The following MAML2 variants were observed in gnomAD, a reference collection of about 807,000 sequenced individuals.
MAML2 encodes mastermind-like protein 2.
MAML2 carries 22 observed loss-of-function variants against 96.1 expected under a neutral mutation model. That is an observed-to-expected ratio of 0.23 (90% CI 0.16 to 0.33). The LOEUF (loss-of-function observed/expected upper bound fraction) is 0.33, where lower values mean the gene tolerates loss of function less well. Ranked by LOEUF, MAML2 falls within the 10% of genes least tolerant of loss-of-function variation. The pLI, the probability that MAML2 is intolerant of heterozygous loss-of-function variation, is 1.00. For synonymous variants in MAML2, 561 were observed against 521.3 expected, an observed-to-expected ratio of 1.08 and a Z score of -1.04; for missense variants, 1,367 against 1,392.4, an observed-to-expected ratio of 0.98 and a Z score of 0.29.
intron 2 of MAML2, among the ~76,000 whole-genome samples, chr11:96,061,552 TG>T (rs1189938016): frequency 3.9e-5 from 6 of 152,192 alleles, no homozygotes; most frequent in Admixed American, 1.3e-4. Flanking sequence ...AAATCAGAAT[TG>T]CTTCCTTGGA....
chr11:96,092,078 C>CTGCTGCTGCTGCTGTTGT lies in MAML2; in HGVS notation c.1935_1952dup (p.Gln660_Gln665dup). ...GCTGCTGTTGTTGCTGTTGTTGTTG[C>CTGCTGCTGCTGCTGTTGT]TGCTGCTGCTGCTGTTGTTGCTGCT... is the stretch of plus-strand genomic sequence containing the variant. On this transcript the variant is annotated inframe_insertion, in exon 2 of 5. Coordinates refer to ENST00000524717, the MANE Select transcript of MAML2 (RefSeq NM_032427.4). The surrounding 1 kb of genome is among the most constrained non-coding windows in gnomAD (Gnocchi z 4.1). 2 of 1,546,360 alleles carry CTGCTGCTGCTGCTGTTGT rather than the reference C, an allele frequency of 1.3e-6. No homozygotes were observed. The highest frequency in any genetic ancestry group is 2.4e-5 in the South Asian group (2 of 83,962).
intron 1 of MAML2, among the ~76,000 whole-genome samples, chr11:96,329,648 G>T (rs1446796026): frequency 6.6e-6 from 1 of 152,144 alleles, no homozygotes; most frequent in Non-Finnish European, 1.5e-5. Context: ...GCCCTACTAG[G>T]TAGTATCAGA....
chr11:96,068,348 T>C lies in MAML2; in HGVS notation c.2139+23544A>G, dbSNP rs563077237. Among the ~76,000 whole-genome samples, 3 of 152,002 alleles carry C rather than the reference T, an allele frequency of 2.0e-5. No homozygotes were observed. The East Asian group carries it at 5.8e-4, about 30-fold the overall frequency. On this transcript the variant is annotated intron_variant, in intron 2 of 4. Transcript: ENST00000524717. ...TTCAAATACAGAGGTAAAGTAAGTCTATGAACCTATGAACTTCACTTTTGG... is the reference window on the plus strand; with the variant it reads ...TTCAAATACAGAGGTAAAGTAAGTCCATGAACCTATGAACTTCACTTTTGG...
chr11:96,207,360 C>G (rs1861910187), intron 1 of MAML2, among the ~76,000 whole-genome samples: 1 of 152,194 alleles, frequency 6.6e-6, no homozygotes, highest in African/African-American at 2.4e-5. Context: ...ATCCAATTCC[C>G]CAAATTAGTT....
At chr11:96,213,618 T>C (rs1225517215) in intron 1 of MAML2, among the ~76,000 whole-genome samples, 2 of 152,148 alleles carry the variant, frequency 1.3e-5, no homozygotes, top group African/African-American at 4.8e-5. Flanking sequence ...TTTTCCTACA[T>C]CATCTTACTA....
At chr11:95,982,028 C>T (rs953322154) in intron 4 of MAML2, among the ~76,000 whole-genome samples, 1 of 152,148 alleles carries the variant, frequency 6.6e-6, no homozygotes, top group African/African-American at 2.4e-5. Context: ...AGGTGCTTTT[C>T]ATACTCCATT....
chr11:96,112,494 C>T lies in MAML2; in HGVS notation c.514-18977G>A, dbSNP rs138184646. Among the ~76,000 whole-genome samples the T allele has an allele frequency of 9.9e-3, 1,512 of 152,342 alleles. 17 individuals are homozygous for T. The highest frequency in any genetic ancestry group is 0.038 in the South Asian group (183 of 4,834). On this transcript the variant is annotated intron_variant, in intron 1 of 4. Transcript: ENST00000524717. Reference sequence around the variant, plus strand: ...AGTAGCTGGACTAAAATGCCTGAGCCGCTGGGTATGCTTCTTGACTTACAC... The same window carrying T: ...AGTAGCTGGACTAAAATGCCTGAGCTGCTGGGTATGCTTCTTGACTTACAC...
rs1044157996 is a variant in MAML2 at position 96,030,766 on chromosome 11, C to T, written c.2140-39043G>A. 8.5e-5 allele frequency among the ~76,000 whole-genome samples: 13 copies of T among 152,194 alleles called. 1 individual carries two copies. Among genetic ancestry groups the T allele is most frequent in the African/African-American group, 3.1e-4 (13 of 41,434 alleles). On this transcript the variant is annotated intron_variant, in intron 2 of 4. Transcript: ENST00000524717. Reference sequence around the variant, plus strand: ...AGAACTCTACTTAAAGGCAGCCAAGCAGGCAGAAATACTTCCAGTGGTAAT... The same window carrying T: ...AGAACTCTACTTAAAGGCAGCCAAGTAGGCAGAAATACTTCCAGTGGTAAT...
intron 1 of MAML2, among the ~76,000 whole-genome samples, chr11:96,235,938 C>G (rs889784814): frequency 6.6e-6 from 1 of 152,224 alleles, no homozygotes; most frequent in Non-Finnish European, 1.5e-5. Flanking sequence ...CATCTGCCCA[C>G]TGCACCCCCT....
chr11:96,309,131 G>T (rs1281856539), intron 1 of MAML2, among the ~76,000 whole-genome samples: 1 of 152,144 alleles, frequency 6.6e-6, no homozygotes, highest in Admixed American at 6.5e-5. Flanking sequence ...GAAAGTTCTG[G>T]GTGAATGTTT....
chr11:96,150,790 A>G (rs1370741551), intron 1 of MAML2, among the ~76,000 whole-genome samples: 1 of 151,968 alleles, frequency 6.6e-6, no homozygotes, highest in Admixed American at 6.6e-5. Flanking sequence ...GGGCCACCAT[A>G]CTAACCCCTG....
chr11:96,148,699 C>CACACACAT (rs1860864562), intron 1 of MAML2, among the ~76,000 whole-genome samples: 1 of 140,952 alleles, frequency 7.1e-6, no homozygotes, highest in African/African-American at 2.7e-5. Flanking sequence ...CACACACACA[C>CACACACAT]ACACACACAT....
At chr11:96,226,061 T>C (rs1862206091) in intron 1 of MAML2, among the ~76,000 whole-genome samples, 1 of 152,234 alleles carries the variant, frequency 6.6e-6, no homozygotes. Flanking sequence ...CCAATCACTA[T>C]GCTACATCTT....
At chr11:96,210,687 A>G (rs953997187) in intron 1 of MAML2, among the ~76,000 whole-genome samples, 1 of 152,302 alleles carries the variant, frequency 6.6e-6, no homozygotes, top group Non-Finnish European at 1.5e-5. Context: ...TATGCATATG[A>G]TGTACTTAGC....
chr11:96,335,937 T>C (rs1159373342), intron 1 of MAML2, among the ~76,000 whole-genome samples: 1 of 152,188 alleles, frequency 6.6e-6, no homozygotes, highest in African/African-American at 2.4e-5. Flanking sequence ...GCCCTGCTGG[T>C]GACCCATGTT....
At chr11:96,220,515 AAAGCT>A (rs1862120139) in intron 1 of MAML2, among the ~76,000 whole-genome samples, 1 of 152,194 alleles carries the variant, frequency 6.6e-6, no homozygotes, top group African/African-American at 2.4e-5. Context: ...GCATAACTTA[AAAGCT>A]AAGCTAAGTG....
chr11:96,080,135 T>C (rs1212440103), intron 2 of MAML2, among the ~76,000 whole-genome samples: 3 of 152,330 alleles, frequency 2.0e-5, no homozygotes, highest in East Asian at 3.9e-4. Context: ...AAAACACTTA[T>C]CTAAATTTTT....
intron 2 of MAML2, among the ~76,000 whole-genome samples, chr11:96,050,534 A>C (rs888428569): frequency 6.6e-6 from 1 of 152,164 alleles, no homozygotes; most frequent in Admixed American, 6.5e-5. Flanking sequence ...TGAGAATCTG[A>C]CCTTTGGTTA....
At chr11:95,982,409 A>T (rs1488112234) in intron 4 of MAML2, among the ~76,000 whole-genome samples, 6 of 62,192 alleles carry the variant, frequency 9.6e-5, no homozygotes, top group Admixed American at 8.3e-4. Flanking sequence ...GGTGGGCGGG[A>T]GGGTCCAGGT....
Sources: allele counts gnomAD v4.1 joint callset (sites outside exome capture counted in the v4.1 genomes callset), GRCh38; gene constraint gnomAD v4.1.1; non-coding constraint Gnocchi (gnomAD v3.1); transcripts MANE v1.5; gene names NCBI Gene and HGNC (gene_info 2026-07-23, HGNC 2026-07-21).